Variants in RFTN1 observed in about 807,000 individuals in gnomAD.
The protein encoded by RFTN1 is raftlin, lipid raft linker 1, also known as raftlin.
Under a neutral mutation model 46.5 loss-of-function variants are expected in RFTN1, and 26 were observed. The observed-to-expected ratio is 0.56, with a 90% CI of 0.41 to 0.78. RFTN1 has a LOEUF of 0.78. Among genes scored for constraint, RFTN1 ranks in the 30% least tolerant of loss-of-function variants. The pLI is 0.00. For missense variants in RFTN1, 693 were observed against 718.7 expected, an observed-to-expected ratio of 0.96 and a Z score of 0.41; for synonymous variants, 261 against 284.2, an observed-to-expected ratio of 0.92 and a Z score of 0.82.
At position 16,457,471 on chromosome 3, in the gene RFTN1, T is replaced by A. The variant is rs1338487388; in HGVS notation, c.146-23434A>T. ...ATAGTAGTACTCAATAAATGCCGGT[T>A]ATCATTATACCTTCTTTTACGATAT... On this transcript the variant is annotated intron_variant, in intron 2 of 9. Coordinates refer to ENST00000334133, the MANE Select transcript of RFTN1 (RefSeq NM_015150.2). The surrounding 1 kb of genome is among the most constrained non-coding windows in gnomAD (Gnocchi z 4.2). Among the ~76,000 whole-genome samples, 4 of 152,236 alleles carry A rather than the reference T, an allele frequency of 2.6e-5. No individual in the cohort carries two copies. The highest frequency in any genetic ancestry group is 9.6e-5 in the African/African-American group (4 of 41,452).
At position 16,468,631 on chromosome 3, in the gene RFTN1, TAAAAAA is replaced by T. The variant is rs11328874; in HGVS notation, c.145+25088_145+25093del. Among the ~76,000 whole-genome samples the T allele has an allele frequency of 8.0e-5, 8 of 100,176 alleles. No individual in the cohort carries two copies. In the Admixed American group the frequency reaches 8.3e-4, roughly 10 times the overall value. The allele number at this position is 100,176 out of a possible 152,430, so 65.7% of individuals were successfully genotyped here. A position where few individuals can be genotyped will look rare whatever the true frequency, so the allele number is the denominator to read the frequency against. On this transcript the variant is annotated intron_variant, in intron 2 of 9. Coordinates refer to ENST00000334133, the MANE Select transcript of RFTN1 (RefSeq NM_015150.2). The surrounding 1 kb of genome is among the most constrained non-coding windows in gnomAD (Gnocchi z 4.4). ...CCTCACGTACAACCCAGCGTTTGAG[TAAAAAA>T]AAAAAAAAAAAAAACTTTACTCAGA...
chr3:16,464,704 A>G (rs1302616371), intron 2 of RFTN1, among the ~76,000 whole-genome samples: 1 of 152,270 alleles, frequency 6.6e-6, no homozygotes, highest in Non-Finnish European at 1.5e-5. Flanking sequence ...TTATTGGAAT[A>G]CAGCCATGTG....
At chr3:16,366,924 G>A (rs2073217922) in intron 6 of RFTN1, among the ~76,000 whole-genome samples, 2 of 152,222 alleles carry the variant, frequency 1.3e-5, no homozygotes, top group Non-Finnish European at 2.9e-5. Flanking sequence ...GAACGACCCA[G>A]GGAGAGGAGT....
intron 3 of RFTN1, 119 bp from the exon 4 acceptor site, chr3:16,409,602 C>G: frequency 1.6e-6 from 1 of 629,488 alleles, no homozygotes; most frequent in South Asian, 1.7e-5. Flanking sequence ...ACTGCAACCC[C>G]CACCTCCCGG....
At chr3:16,456,108 TA>T (rs2075900508) in intron 2 of RFTN1, among the ~76,000 whole-genome samples, 1 of 152,104 alleles carries the variant, frequency 6.6e-6, no homozygotes, top group Admixed American at 6.5e-5. Context: ...CATTGTAATG[TA>T]AAATGAGCTG....
Position 16,458,580 on chromosome 3 carries a change from A to G in RFTN1, c.146-24543T>C, listed in dbSNP as rs1303182337. ...GAGCTTTTCCATCTTTGTAAATCGTAAATTGTCCTTTCAACATGCATAATG... is the reference window on the plus strand; with the variant it reads ...GAGCTTTTCCATCTTTGTAAATCGTGAATTGTCCTTTCAACATGCATAATG... On this transcript the variant is annotated intron_variant, in intron 2 of 9. Coordinates refer to ENST00000334133, the MANE Select transcript of RFTN1 (RefSeq NM_015150.2). This position sits in a 1 kb window ranked among gnomAD's most constrained non-coding sequence, Gnocchi z 5.1. Among the ~76,000 whole-genome samples the G allele has an allele frequency of 2.6e-5, 4 of 152,194 alleles. No individual in the cohort carries two copies. The highest frequency in any genetic ancestry group is 9.7e-5 in the African/African-American group (4 of 41,436).
rs1163969634 is a variant in RFTN1 at position 16,507,720 on chromosome 3, TACAC to T, written c.-9+5718_-9+5721del. The stretch of plus-strand genomic sequence containing the variant: ...ACACACATACATACACATACACACA[TACAC>T]ACAAACACATACACACATACATGCA... On this transcript the variant is annotated intron_variant, in intron 1 of 9. Transcript: ENST00000334133. The surrounding 1 kb of genome is among the most constrained non-coding windows in gnomAD (Gnocchi z 7.1). Among the ~76,000 whole-genome samples, 40 of 144,998 alleles carry T rather than the reference TACAC, an allele frequency of 2.8e-4. No homozygotes were observed. Among genetic ancestry groups the T allele is most frequent in the African/African-American group, 8.8e-4 (34 of 38,796 alleles).
At chr3:16,378,466 G>T (rs1057025584) in intron 4 of RFTN1, among the ~76,000 whole-genome samples, 9 of 151,780 alleles carry the variant, frequency 5.9e-5, no homozygotes, top group Non-Finnish European at 1.3e-4. Flanking sequence ...TAAGAGTTTA[G>T]TTTTTTTTGT....
rs2068388161 is a variant in RFTN1 at position 16,316,317 on chromosome 3, C to G, written c.*511G>C. On this transcript the variant is annotated 3_prime_UTR_variant, in exon 10 of 10. Transcript: ENST00000334133. The surrounding 1 kb of genome is among the most constrained non-coding windows in gnomAD (Gnocchi z 4.5). The stretch of plus-strand genomic sequence containing the variant: ...CCCTCCCCAATGTCATTTTCTTTGT[C>G]AAAGCAGAAGAGTCGAAGGGGTTTA... 6.2e-6 allele frequency: 1 copy of G among 160,998 alleles called. No individual in the cohort carries two copies. Among genetic ancestry groups the G allele is most frequent in the Non-Finnish European group, 1.3e-5 (1 of 74,618 alleles). The allele number at this position is 160,998 out of a possible 1,614,324, so 10.0% of individuals were successfully genotyped here.
In RFTN1 at chr3:16,489,101, T is replaced by C. The variant is rs1336623093; in HGVS notation, c.145+4624A>G. Among the ~76,000 whole-genome samples the C allele has an allele frequency of 3.3e-5, 5 of 152,140 alleles. No homozygotes were observed. In the South Asian group the frequency reaches 1.0e-3, roughly 32 times the overall value. On this transcript the variant is annotated intron_variant, in intron 2 of 9. Transcript: ENST00000334133. The surrounding 1 kb of genome is among the most constrained non-coding windows in gnomAD (Gnocchi z 4.0). ...AGAGTACGTACTATTTGATTCCATTTATATAACATCCTGGGAAATAAAATC... is the reference window on the plus strand; with the variant it reads ...AGAGTACGTACTATTTGATTCCATTCATATAACATCCTGGGAAATAAAATC...
At position 16,422,183 on chromosome 3, in the gene RFTN1, A is replaced by T. The variant is rs1285490370; in HGVS notation, c.332+11668T>A. ...AATTTACCTCCAATAATAATATTGA[A>T]CATTATGTTCTTGAAAACACAAGGT... On this transcript the variant is annotated intron_variant, in intron 3 of 9. Coordinates refer to ENST00000334133, the MANE Select transcript of RFTN1 (RefSeq NM_015150.2). This position sits in a 1 kb window ranked among gnomAD's most constrained non-coding sequence, Gnocchi z 4.6. Among the ~76,000 whole-genome samples, 1 of 152,246 alleles carries T rather than the reference A, an allele frequency of 6.6e-6. No homozygotes were observed. The highest frequency in any genetic ancestry group is 1.5e-5 in the Non-Finnish European group (1 of 68,042).
chr3:16,418,932 C>T lies in RFTN1; in HGVS notation c.333-9449G>A, dbSNP rs1009133308. On this transcript the variant is annotated intron_variant, in intron 3 of 9. Transcript: ENST00000334133. This position sits in a 1 kb window ranked among gnomAD's most constrained non-coding sequence, Gnocchi z 5.0. Reference sequence around the variant, plus strand: ...GATAGACTGTGTATAAACAGAAGTGCTATGAGAATTCAATTATTTCCAGTG... The same window carrying T: ...GATAGACTGTGTATAAACAGAAGTGTTATGAGAATTCAATTATTTCCAGTG... Among the ~76,000 whole-genome samples the T allele has an allele frequency of 6.6e-6, 1 of 152,042 alleles. No individual in the cohort carries two copies. The highest frequency in any genetic ancestry group is 2.4e-5 in the African/African-American group (1 of 41,384).
intron 4 of RFTN1, 125 bp downstream of exon 4, chr3:16,409,250 G>A (rs2074931626): frequency 4.7e-6 from 3 of 643,376 alleles, no homozygotes; most frequent in East Asian, 6.0e-5. Context: ...GCTGCCAAAG[G>A]TTTAGGTCAC....
rs2068431363 is a variant in RFTN1 at position 16,316,740 on chromosome 3, C to T, written c.*88G>A. The T allele has an allele frequency of 6.6e-7, 1 of 1,524,980 alleles. No homozygotes were observed. Among genetic ancestry groups the T allele is most frequent in the Non-Finnish European group, 9.1e-7 (1 of 1,103,716 alleles). 94.5% of individuals were successfully genotyped at this position (1,524,980 alleles called of 1,614,324 possible). On this transcript the variant is annotated 3_prime_UTR_variant, in exon 10 of 10. Transcript: ENST00000334133. This position sits in a 1 kb window ranked among gnomAD's most constrained non-coding sequence, Gnocchi z 4.5. ...AAGCCAAAGGGTAGGTAACACACAA[C>T]ACCAGGGAAACCAGCCCCCAAACCA...
chr3:16,500,503 T>A lies in RFTN1; in HGVS notation c.-8-6626A>T, dbSNP rs766948402. Among the ~76,000 whole-genome samples the A allele has an allele frequency of 6.6e-6, 1 of 152,160 alleles. No homozygotes were observed. The highest frequency in any genetic ancestry group is 1.5e-5 in the Non-Finnish European group (1 of 68,028). ...GAAATAATCAAAGCATATATGCAGT[T>A]CCCTAGCAGAAATTGGTAAGGGTAA... On this transcript the variant is annotated intron_variant, in intron 1 of 9. Transcript: ENST00000334133. The surrounding 1 kb of genome is among the most constrained non-coding windows in gnomAD (Gnocchi z 5.9).
intron 2 of RFTN1, among the ~76,000 whole-genome samples, chr3:16,455,357 A>AAATC (rs1177474476): frequency 2.6e-5 from 4 of 152,226 alleles, no homozygotes; most frequent in African/African-American, 9.7e-5. Flanking sequence ...GCGTATGTGA[A>AAATC]AATCCTCACG....
chr3:16,390,842 C>A (rs2074326591), intron 4 of RFTN1, among the ~76,000 whole-genome samples: 1 of 152,194 alleles, frequency 6.6e-6, no homozygotes, highest in Non-Finnish European at 1.5e-5. Flanking sequence ...AATTTCTACA[C>A]CAACTGAACG....
At chr3:16,386,605 C>G (rs1301926276) in intron 4 of RFTN1, among the ~76,000 whole-genome samples, 1 of 152,260 alleles carries the variant, frequency 6.6e-6, no homozygotes, top group Non-Finnish European at 1.5e-5. Flanking sequence ...TGGGAAATAC[C>G]AGGGCTAGAT....
chr3:16,419,786 C>A (rs1408403044), intron 3 of RFTN1, among the ~76,000 whole-genome samples: 1 of 152,126 alleles, frequency 6.6e-6, no homozygotes, highest in East Asian at 1.9e-4. Context: ...AAGTAGGAAG[C>A]ACAACGAAGG....
Sources: gnomAD v4.1 joint callset for allele counts (sites outside exome capture counted in the v4.1 genomes callset) on GRCh38, gnomAD v4.1.1 for gene constraint, Gnocchi (gnomAD v3.1) non-coding constraint, MANE v1.5 for transcripts, NCBI Gene and HGNC (gene_info 2026-07-23, HGNC 2026-07-21) for gene names.